ARID5A: variants seen among roughly 807,000 people sequenced by gnomAD.
ARID5A encodes the protein AT-rich interactive domain-containing protein 5A.
Under a neutral mutation model 30.5 loss-of-function variants are expected in ARID5A, and 14 were observed. The observed-to-expected ratio is 0.46, with a 90% CI of 0.30 to 0.72. The LOEUF (loss-of-function observed/expected upper bound fraction) is 0.72. ARID5A is among the 30% of genes least tolerant of loss of function. ARID5A has a pLI of 0.07. For synonymous variants in ARID5A, 338 were observed against 340.4 expected (o/e 0.99, Z 0.08); for missense variants, 669 against 786.2 (o/e 0.85, Z 1.78).
At chr2:96,538,001 C>T (rs2065772617) in intron 1 of ARID5A, 2 of 985,374 alleles carry the variant, frequency 2.0e-6, no homozygotes, top group South Asian at 9.4e-5. Flanking sequence ...CTACAGGCAA[C>T]GCTAGAGCAC....
intron 1 of ARID5A, among the ~76,000 whole-genome samples, chr2:96,546,191 T>C (rs2065925069): frequency 2.0e-5 from 3 of 152,200 alleles, no homozygotes; most frequent in African/African-American, 7.2e-5. Flanking sequence ...TTCTTGTTCC[T>C]GAGGAGATTC....
At chr2:96,544,863 G>A (rs1327257205) in intron 1 of ARID5A, among the ~76,000 whole-genome samples, 1 of 152,200 alleles carries the variant, frequency 6.6e-6, no homozygotes, top group East Asian at 1.9e-4. Flanking sequence ...AGCATTTCAG[G>A]TACATTTGTG....
chr2:96,537,331 C>A lies in ARID5A; in HGVS notation c.4+501C>A, dbSNP rs2065753243. 6.6e-6 allele frequency: 1 copy of A among 151,690 alleles called. No homozygotes were observed. The highest frequency in any genetic ancestry group is 2.3e-4 in the South Asian group (1 of 4,386). The allele number at this position is 151,690 out of a possible 1,614,324, so 9.4% of individuals were successfully genotyped here. On this transcript the variant is annotated intron_variant, in intron 1 of 6. Transcript: ENST00000357485. This position sits in a 1 kb window ranked among gnomAD's most constrained non-coding sequence, Gnocchi z 4.8. ...CCGGGTCCAGAGCGCGCGGCCCTTTCCTCTGCGGCCGCCGTTTCCTGAAAG... is the reference window on the plus strand; with the variant it reads ...CCGGGTCCAGAGCGCGCGGCCCTTTACTCTGCGGCCGCCGTTTCCTGAAAG...
In ARID5A at chr2:96,552,267, C is replaced by T. The variant is rs1251020268; in HGVS notation, c.1739C>T (p.Thr580Ile). 6.2e-7 allele frequency: 1 copy of T among 1,613,108 alleles called. No homozygotes were observed. The highest frequency in any genetic ancestry group is 1.1e-5 in the South Asian group (1 of 90,992). Residue 580 changes from threonine (T) to isoleucine (I), a missense_variant, in exon 7 of 7, where the codon ACA becomes ATA. Around this residue, in one of 4 missense-constraint regions of ARID5A, gnomAD observed 548 missense variants for 577.4 expected, o/e 0.95. Coordinates refer to ENST00000357485, the MANE Select transcript of ARID5A (RefSeq NM_212481.3). Reference sequence around the variant, plus strand: ...TCTGCCTGGCACGCACCACCAGTCACAACCTATGCAGCGCCCCACTTCTTC... The same window carrying T: ...TCTGCCTGGCACGCACCACCAGTCATAACCTATGCAGCGCCCCACTTCTTC... Reference protein sequence around the residue: ...ASSAWHAPPVTTYAAPHFFHL... With the variant: ...ASSAWHAPPVITYAAPHFFHL...
Position 96,549,760 on chromosome 2 carries a change from G to A in ARID5A, c.267G>A (p.Leu89=). Reference sequence around the variant, plus strand: ...TGCTCTTCTCTCCCCCAGTTAACCTGTGGAAGATCTACAAAGCAGTGGAGA... The same window carrying A: ...TGCTCTTCTCTCCCCCAGTTAACCTATGGAAGATCTACAAAGCAGTGGAGA... ...VPHLGFKQIN[L]WKIYKAVEKL... The change falls in exon 4 of 7, where the codon CTG becomes CTA. Residue 89 remains leucine (L), a synonymous_variant. Transcript: ENST00000357485. The surrounding 1 kb of genome is among the most constrained non-coding windows in gnomAD (Gnocchi z 6.1). The A allele has an allele frequency of 6.2e-7, 1 of 1,613,932 alleles. No individual in the cohort carries two copies. The highest frequency in any genetic ancestry group is 8.5e-7 in the Non-Finnish European group (1 of 1,179,950).
chr2:96,552,197 A>G lies in ARID5A; in HGVS notation c.1669A>G (p.Thr557Ala), dbSNP rs759371648. ...MAAGLMHFPP[T>A]SFDSALRHRL... is the part of the protein sequence containing the mutation. ...CGCTGGCCTGATGCACTTCCCCCCAACGTCCTTCGACAGTGCCCTCCGCCA... is the reference window on the plus strand; with the variant it reads ...CGCTGGCCTGATGCACTTCCCCCCAGCGTCCTTCGACAGTGCCCTCCGCCA... Residue 557 changes from threonine (T) to alanine (A), a missense_variant, in exon 7 of 7, where the codon ACG becomes GCG. Around this residue, in one of 4 missense-constraint regions of ARID5A, gnomAD observed 548 missense variants for 577.4 expected, o/e 0.95. Coordinates refer to ENST00000357485, the MANE Select transcript of ARID5A (RefSeq NM_212481.3). The G allele has an allele frequency of 6.8e-6, 11 of 1,613,242 alleles. No homozygotes were observed. The highest frequency in any genetic ancestry group is 6.7e-5 in the Admixed American group (4 of 59,984).
Position 96,550,712 on chromosome 2 carries a change from G to GGAGGAGCGGCGC in ARID5A, c.550_561dup (p.Glu184_Arg187dup). On this transcript the variant is annotated inframe_insertion, in exon 6 of 7. Transcript: ENST00000357485. This position sits in a 1 kb window ranked among gnomAD's most constrained non-coding sequence, Gnocchi z 6.6. Reference sequence around the variant, plus strand: ...CCACCGAGAGGCCGAAGAAGGCCAAGGAGGAGCGGCGCATGGACCAGGTAG... The same window carrying GGAGGAGCGGCGC: ...CCACCGAGAGGCCGAAGAAGGCCAAGGAGGAGCGGCGCGAGGAGCGGCGCATGGACCAGGTAG... 6.3e-7 allele frequency: 1 copy of GGAGGAGCGGCGC among 1,586,112 alleles called. No individual in the cohort carries two copies. Among genetic ancestry groups the GGAGGAGCGGCGC allele is most frequent in the East Asian group, 2.3e-5 (1 of 43,692 alleles).
chr2:96,538,108 G>A, intron 1 of ARID5A: 1 of 985,474 alleles, frequency 1.0e-6, no homozygotes, highest in Non-Finnish European at 1.2e-6. Context: ...CTAGAACTTG[G>A]TGTGGCAGAG....
Position 96,550,650 on chromosome 2 carries a change from TA to T in ARID5A, c.488del (p.Tyr163SerfsTer29). On this transcript the variant is annotated frameshift_variant, in exon 6 of 7. Transcript: ENST00000357485. LOFTEE classifies it high-confidence loss of function. The surrounding 1 kb of genome is among the most constrained non-coding windows in gnomAD (Gnocchi z 6.6). ...GCCCACCTCCAAGCCCAGGAAACAG[TA>T]CAAGATGGCTAAGGAGAACAGGGGG... The part of the protein sequence containing the change: ...PLPTSKPRKQ[Y>X]KMAKENRGDD... The T allele has an allele frequency of 6.2e-7, 1 of 1,606,606 alleles. No homozygotes were observed. Among genetic ancestry groups the T allele is most frequent in the Non-Finnish European group, 8.5e-7 (1 of 1,177,306 alleles).
intron 1 of ARID5A, among the ~76,000 whole-genome samples, chr2:96,542,540 G>A (rs1025107654): frequency 2.6e-5 from 4 of 152,118 alleles, no homozygotes; most frequent in African/African-American, 4.8e-5. Context: ...GGCCCCTCTC[G>A]CCCTGTGGCT....
chr2:96,542,610 GGACCTTA>G (rs2065864797), intron 1 of ARID5A, among the ~76,000 whole-genome samples: 1 of 152,160 alleles, frequency 6.6e-6, no homozygotes, highest in Admixed American at 6.5e-5. Context: ...GCCCCACCTT[GGACCTTA>G]AATCAGACTC....
chr2:96,551,523 G>T lies in ARID5A; in HGVS notation c.995G>T (p.Gly332Val). The change falls in exon 7 of 7, where the codon GGC (glycine) becomes GTC (valine). Residue 332 changes from glycine (G) to valine (V), a missense_variant. This residue lies in a region of ARID5A where 548 missense variants were observed against 577.4 expected (regional missense o/e 0.95). Transcript: ENST00000357485. ...GGSLREEAQA[G>V]PCPAAPIFKG... is the part of the protein sequence containing the mutation. ...AGCCTCAGAGAGGAGGCGCAGGCAGGCCCCTGCCCGGCAGCCCCCATCTTC... is the reference window on the plus strand; with the variant it reads ...AGCCTCAGAGAGGAGGCGCAGGCAGTCCCCTGCCCGGCAGCCCCCATCTTC... 1 of 1,601,440 alleles carries T rather than the reference G, an allele frequency of 6.2e-7. No individual in the cohort carries two copies. The highest frequency in any genetic ancestry group is 1.1e-5 in the South Asian group (1 of 89,598).
Position 96,549,794 on chromosome 2 carries a change from G to A in ARID5A, c.301G>A (p.Ala101Thr). 2 of 1,613,260 alleles carry A rather than the reference G, an allele frequency of 1.2e-6. No individual in the cohort carries two copies. Among genetic ancestry groups the A allele is most frequent in the Non-Finnish European group, 1.7e-6 (2 of 1,179,646 alleles). The change falls in exon 4 of 7, where the codon GCC becomes ACC. Residue 101 changes from alanine to threonine, a missense_variant. Ala to Thr is a moderately conservative substitution (Grantham distance 58). Around this residue, in one of 4 missense-constraint regions of ARID5A, gnomAD observed 64 missense variants for 119.7 expected, o/e 0.53. Coordinates refer to ENST00000357485, the MANE Select transcript of ARID5A (RefSeq NM_212481.3). The surrounding 1 kb of genome is among the most constrained non-coding windows in gnomAD (Gnocchi z 6.1). The part of the protein sequence containing the change: ...KIYKAVEKLG[A>T]YELVTGRRLW... The stretch of plus-strand genomic sequence containing the variant: ...CTACAAAGCAGTGGAGAAGCTGGGG[G>A]CCTATGAGCTGGTAAGGAAGGCACC...
intron 6 of ARID5A, 58 bp from the exon 7 acceptor site, chr2:96,551,038 GCTC>G: frequency 3.3e-6 from 5 of 1,531,574 alleles, no homozygotes; most frequent in Non-Finnish European, 3.5e-6. Context: ...GCCACCTCTT[GCTC>G]CTCAGGTCAG....
At position 96,550,455 on chromosome 2, in the gene ARID5A, T is replaced by C; in HGVS notation, c.411-119T>C. 2 of 1,440,508 alleles carry C rather than the reference T, an allele frequency of 1.4e-6. No individual in the cohort carries two copies. The highest frequency in any genetic ancestry group is 1.8e-6 in the Non-Finnish European group (2 of 1,094,788). 89.2% of individuals were successfully genotyped at this position (1,440,508 alleles called of 1,614,324 possible). A position where few individuals can be genotyped will look rare whatever the true frequency, so the allele number is the denominator to read the frequency against. On this transcript the variant is annotated intron_variant, in intron 5 of 6. Transcript: ENST00000357485. The surrounding 1 kb of genome is among the most constrained non-coding windows in gnomAD (Gnocchi z 6.6). ...GCACTCACTGAGGGAGCTGAAGCTT[T>C]GGGACCAGGAGAGGGCCTTCCTCGG...
rs765719312 is a variant in ARID5A at position 96,552,417 on chromosome 2, C to A, written c.*104C>A. 2 of 1,568,002 alleles carry A rather than the reference C, an allele frequency of 1.3e-6. No individual in the cohort carries two copies. Among genetic ancestry groups the A allele is most frequent in the African/African-American group, 2.7e-5 (2 of 73,370 alleles). On this transcript the variant is annotated 3_prime_UTR_variant, in exon 7 of 7. Coordinates refer to ENST00000357485, the MANE Select transcript of ARID5A (RefSeq NM_212481.3). ...ACTAGTGCCTGCTACCCAGGACACC[C>A]GGGCCATGCCCCTGGCTGGGCAGCC...
chr2:96,551,019 C>A, intron 6 of ARID5A, 80 bp from the exon 7 acceptor site: 6 of 1,482,446 alleles, frequency 4.0e-6, no homozygotes, highest in Non-Finnish European at 5.5e-6. Flanking sequence ...CCTGGGCAGG[C>A]CTGAAAGTGC....
intron 1 of ARID5A, among the ~76,000 whole-genome samples, chr2:96,540,870 C>A (rs1043605940): frequency 2.1e-5 from 3 of 143,138 alleles, no homozygotes; most frequent in African/African-American, 5.2e-5. Flanking sequence ...CTCAGCCTCC[C>A]GAGTAGCTGG....
chr2:96,537,175 G>A lies in ARID5A; in HGVS notation c.4+345G>A, dbSNP rs2104648207. Among the ~76,000 whole-genome samples, 1 of 152,284 alleles carries A rather than the reference G, an allele frequency of 6.6e-6. No homozygotes were observed. Among genetic ancestry groups the A allele is most frequent in the Non-Finnish European group, 1.5e-5 (1 of 68,002 alleles). On this transcript the variant is annotated intron_variant, in intron 1 of 6. Transcript: ENST00000357485. The surrounding 1 kb of genome is among the most constrained non-coding windows in gnomAD (Gnocchi z 4.8). ...ATGCCGAGCCCGGTACGGCTCTGTC[G>A]TCCCACTTCCTGCTGCGGTTTCCAC...
Sources: gnomAD v4.1 joint callset for allele counts (sites outside exome capture counted in the v4.1 genomes callset) on GRCh38, gnomAD v4.1.1 for gene constraint, gnomAD v4.1.1 regional missense constraint, Gnocchi (gnomAD v3.1) non-coding constraint, MANE v1.5 for transcripts, NCBI Gene and HGNC (gene_info 2026-07-23, HGNC 2026-07-21) for gene names.